STX3: variants seen among roughly 807,000 people sequenced by gnomAD.
The protein encoded by STX3 is syntaxin-3.
In STX3, 19 loss-of-function variants were observed where a neutral mutation model predicts 40.2. The observed-to-expected ratio is 0.47, with a 90% CI of 0.33 to 0.69. The LOEUF is 0.69. Among genes scored for constraint, STX3 ranks in the 30% least tolerant of loss-of-function variants. The pLI is 0.02. For missense variants in STX3, 364 were observed against 366.7 expected, an observed-to-expected ratio of 0.99 and a Z score of 0.06; for synonymous variants, 122 against 132.2, an observed-to-expected ratio of 0.92 and a Z score of 0.53.
chr11:59,801,891 A>T lies in STX3; in HGVS notation c.*1067A>T. The T allele has an allele frequency of 1.0e-6, 1 of 985,544 alleles. No homozygotes were observed. Among genetic ancestry groups the T allele is most frequent in the Non-Finnish European group, 1.2e-6 (1 of 829,918 alleles). The allele number at this position is 985,544 out of a possible 1,614,324, so 61.0% of individuals were successfully genotyped here. A position where few individuals can be genotyped will look rare whatever the true frequency, so the allele number is the denominator to read the frequency against. On this transcript the variant is annotated 3_prime_UTR_variant, in exon 11 of 11. Transcript: ENST00000337979. ...AGGACATTTGCTTACCTGCAAATGA[A>T]TCACTGTGGAAATGTGATCTTCCCA...
intron 1 of STX3, among the ~76,000 whole-genome samples, chr11:59,766,629 G>A (rs1435367918): frequency 6.6e-6 from 1 of 152,186 alleles, no homozygotes; most frequent in Non-Finnish European, 1.5e-5. Context: ...AGGCTTAATG[G>A]AAACAAATGT....
At chr11:59,795,879 C>T (rs1865491499) in intron 9 of STX3, among the ~76,000 whole-genome samples, 2 of 152,162 alleles carry the variant, frequency 1.3e-5, no homozygotes, top group Non-Finnish European at 2.9e-5. Flanking sequence ...CCTTCCTTCC[C>T]AGGTGTGCCT....
chr11:59,757,715 G>T (rs936954772), intron 1 of STX3, among the ~76,000 whole-genome samples: 1 of 151,996 alleles, frequency 6.6e-6, no homozygotes, highest in Non-Finnish European at 1.5e-5. Context: ...CAGGTGGCAG[G>T]TTCCAAGACT....
intron 10 of STX3, 167 bp from the exon 11 acceptor site, chr11:59,800,688 T>C: frequency 8.1e-6 from 8 of 985,418 alleles, no homozygotes; most frequent in Non-Finnish European, 9.6e-6. Context: ...GGGCTTTTTG[T>C]TCTTTGTACA....
intron 2 of STX3, among the ~76,000 whole-genome samples, chr11:59,776,562 T>A (rs1330337900): frequency 6.6e-6 from 1 of 152,184 alleles, no homozygotes; most frequent in African/African-American, 2.4e-5. Context: ...ACCCTGCAGG[T>A]TATATAACTA....
At chr11:59,756,874 T>C (rs113506331) in intron 1 of STX3, among the ~76,000 whole-genome samples, 49 of 152,340 alleles carry the variant, frequency 3.2e-4, no homozygotes, top group African/African-American at 9.6e-4. Context: ...CTTGGGAAAA[T>C]GCAGATGTCA....
intron 1 of STX3, among the ~76,000 whole-genome samples, chr11:59,758,490 C>T (rs915702073): frequency 1.3e-5 from 2 of 152,184 alleles, no homozygotes; most frequent in Non-Finnish European, 1.5e-5. Context: ...TGAGATAATC[C>T]GTGACAATCA....
rs574419097 is a variant in STX3, at chr11:59,787,432, C to T, written c.214+296C>T. Among the ~76,000 whole-genome samples the T allele has an allele frequency of 5.9e-5, 9 of 152,276 alleles. No individual in the cohort carries two copies. The South Asian group carries it at 1.9e-3, about 32-fold the overall frequency. On this transcript the variant is annotated intron_variant, in intron 3 of 10. Transcript: ENST00000337979. ...CACTGCTGCTTACATACCCTGTGCC[C>T]TGTCCCTCCTCTGAGCCTCTGCGTG...
chr11:59,802,081 C>T lies in STX3; in HGVS notation c.*1257C>T. On this transcript the variant is annotated 3_prime_UTR_variant, in exon 11 of 11. Coordinates refer to ENST00000337979, the MANE Select transcript of STX3 (RefSeq NM_004177.5). ...GCCTATGCTAGGCTTGTCCTGAGAA[C>T]ATCCCTCAGTAACTTGATATTCACA... is the stretch of plus-strand genomic sequence containing the variant. The T allele has an allele frequency of 3.0e-6, 3 of 985,448 alleles. No individual in the cohort carries two copies. The South Asian group carries it at 1.4e-4, about 46-fold the overall frequency. The allele number at this position is 985,448 out of a possible 1,614,324, so 61.0% of individuals were successfully genotyped here.
At chr11:59,787,540 G>T (rs532849128) in intron 3 of STX3, among the ~76,000 whole-genome samples, 10 of 152,142 alleles carry the variant, frequency 6.6e-5, no homozygotes, top group African/African-American at 2.4e-4. Context: ...TTTCCATGAG[G>T]TGTTCCAAAA....
chr11:59,781,985 C>G (rs1864414483), intron 2 of STX3, among the ~76,000 whole-genome samples: 1 of 152,158 alleles, frequency 6.6e-6, no homozygotes, highest in African/African-American at 2.4e-5. Flanking sequence ...TACAAGGTAC[C>G]TGGGAGTTTA....
chr11:59,771,883 G>C (rs994527859), intron 1 of STX3, among the ~76,000 whole-genome samples: 2 of 152,158 alleles, frequency 1.3e-5, no homozygotes, highest in African/African-American at 4.8e-5. Context: ...TGATCGGGGA[G>C]GTGGTAGCAG....
At chr11:59,783,980 C>T (rs1446042969) in intron 2 of STX3, among the ~76,000 whole-genome samples, 1 of 152,160 alleles carries the variant, frequency 6.6e-6, no homozygotes. Context: ...GAATGGAGTG[C>T]TCCCTGGGCC....
chr11:59,788,105 G>A (rs987600621), intron 3 of STX3, among the ~76,000 whole-genome samples: 2 of 152,126 alleles, frequency 1.3e-5, no homozygotes, highest in Middle Eastern at 3.2e-3. Flanking sequence ...TTCTTCTCGT[G>A]GAATTCCTGC....
intron 4 of STX3, among the ~76,000 whole-genome samples, chr11:59,789,660 C>G (rs573258756): frequency 6.6e-6 from 1 of 152,288 alleles, no homozygotes; most frequent in South Asian, 2.1e-4. Context: ...AGGCTGGTCT[C>G]GAACTTTTCT....
Position 59,793,163 on chromosome 11 carries a change from C to T in STX3, c.531C>T (p.Phe177=). ...TGGAGAGTGGCAACCCGGCCATCTT[C>T]ACTTCTGGGGTGAGTGCCCTGTGTG... ...EMLESGNPAI[F]TSGIIDSQIS... Residue 177 remains phenylalanine (F), a synonymous_variant, in exon 7 of 11, where the codon TTC becomes TTT. Transcript: ENST00000337979. 1 of 1,613,316 alleles carries T rather than the reference C, an allele frequency of 6.2e-7. No individual in the cohort carries two copies. The highest frequency in any genetic ancestry group is 8.5e-7 in the Non-Finnish European group (1 of 1,179,936).
intron 1 of STX3, among the ~76,000 whole-genome samples, chr11:59,767,207 G>C (rs1373258313): frequency 1.3e-5 from 2 of 152,142 alleles, no homozygotes; most frequent in Non-Finnish European, 2.9e-5. Flanking sequence ...GGTCGGGGGA[G>C]ATAGATCCCA....
Position 59,771,411 on chromosome 11 carries a change from C to A in STX3, c.31-1800C>A, listed in dbSNP as rs1460835115. Among the ~76,000 whole-genome samples the A allele has an allele frequency of 3.6e-3, 430 of 118,506 alleles. 3 individuals carry two copies. Among genetic ancestry groups the A allele is most frequent in the Non-Finnish European group, 4.9e-3 (287 of 59,096 alleles). 77.7% of individuals were successfully genotyped at this position (118,506 alleles called of 152,430 possible). On this transcript the variant is annotated intron_variant, in intron 1 of 10. Coordinates refer to ENST00000337979, the MANE Select transcript of STX3 (RefSeq NM_004177.5). ...CCCCCCGTCCCCCCACCTCCCCCCCCCCGCCCGCCCACAGAATCTCCAGGA... is the reference window on the plus strand; with the variant it reads ...CCCCCCGTCCCCCCACCTCCCCCCCACCGCCCGCCCACAGAATCTCCAGGA...
At chr11:59,779,853 T>G (rs1242787729) in intron 2 of STX3, among the ~76,000 whole-genome samples, 1 of 152,208 alleles carries the variant, frequency 6.6e-6, no homozygotes, top group Non-Finnish European at 1.5e-5. Flanking sequence ...CTAGGTATGC[T>G]TGATTTTTGT....
Sources: gnomAD v4.1 joint callset for allele counts (sites outside exome capture counted in the v4.1 genomes callset) on GRCh38, gnomAD v4.1.1 for gene constraint, MANE v1.5 for transcripts, NCBI Gene and HGNC (gene_info 2026-07-23, HGNC 2026-07-21) for gene names.